TADA2B: variants seen among roughly 807,000 people sequenced by gnomAD.
TADA2B encodes the protein transcriptional adaptor 2B, also known as transcriptional adapter 2-beta.
Under a neutral mutation model 34.5 loss-of-function variants are expected in TADA2B, and 13 were observed. The observed-to-expected ratio is 0.38, with a 90% CI of 0.25 to 0.60. The LOEUF (loss-of-function observed/expected upper bound fraction) is 0.60. Among genes scored for constraint, TADA2B ranks in the 20% least tolerant of loss-of-function variants. The pLI, the probability that TADA2B is intolerant of heterozygous loss-of-function variation, is 0.65. For synonymous variants in TADA2B, 240 were observed against 243.4 expected, an observed-to-expected ratio of 0.99 and a Z score of 0.13; for missense variants, 442 against 575.0, an observed-to-expected ratio of 0.77 and a Z score of 2.37.
intron 1 of TADA2B, chr4:7,053,456 G>T (rs1169069258): frequency 3.3e-5 from 5 of 152,390 alleles, no homozygotes; most frequent in Non-Finnish European, 7.3e-5. Context: ...CCCCCCCGGC[G>T]CATGAAGGCC....
At position 7,055,215 on chromosome 4, in the gene TADA2B, A is replaced by G; in HGVS notation, c.*161A>G. 2 of 740,006 alleles carry G rather than the reference A, an allele frequency of 2.7e-6. No homozygotes were observed. The highest frequency in any genetic ancestry group is 4.3e-6 in the Non-Finnish European group (2 of 461,162). The allele number at this position is 740,006 out of a possible 1,614,324, so 45.8% of individuals were successfully genotyped here. A position where few individuals can be genotyped will look rare whatever the true frequency, so the allele number is the denominator to read the frequency against. On this transcript the variant is annotated 3_prime_UTR_variant, in exon 2 of 2. Transcript: ENST00000310074. ...TTCATGGTCCTCTGAAAGAAGCAAT[A>G]GTAACAATCTTATATTGGATCATGG... is the stretch of plus-strand genomic sequence containing the variant.
intron 1 of TADA2B, among the ~76,000 whole-genome samples, chr4:7,051,881 G>GC (rs1324754167): frequency 6.6e-6 from 1 of 152,244 alleles, no homozygotes; most frequent in Non-Finnish European, 1.5e-5. Flanking sequence ...ACAGGCGTGA[G>GC]CCACCGTGCC....
At chr4:7,043,893 A>G (rs1723549859) in intron 1 of TADA2B, 44 bp downstream of exon 1, 2 of 1,444,822 alleles carry the variant, frequency 1.4e-6, no homozygotes, top group African/African-American at 2.9e-5. Flanking sequence ...GGGCACTGGA[A>G]GGCCCGCGCC....
chr4:7,046,473 C>T (rs754355795), intron 1 of TADA2B, among the ~76,000 whole-genome samples: 8 of 152,206 alleles, frequency 5.3e-5, no homozygotes, highest in South Asian at 4.1e-4. Context: ...AGAAACTAAG[C>T]GCCTTGTCAG....
chr4:7,051,276 G>A (rs964933851), intron 1 of TADA2B, among the ~76,000 whole-genome samples: 5 of 152,142 alleles, frequency 3.3e-5, no homozygotes, highest in African/African-American at 1.2e-4. Flanking sequence ...GAAAGCTGCC[G>A]TGACCGAGCA....
rs751274623 is a variant in TADA2B, at chr4:7,054,884, A to T, written c.1093A>T (p.Ser365Cys). The change falls in exon 2 of 2, where the codon AGT becomes TGT. Residue 365 changes from serine to cysteine, a missense_variant. Physicochemically the swap from Ser to Cys is moderately radical, Grantham distance 112. Around this residue, in one of 4 missense-constraint regions of TADA2B, gnomAD observed 114 missense variants for 144.7 expected, o/e 0.79. Transcript: ENST00000310074. Reference sequence around the variant, plus strand: ...GGTGCTCTGCAGCTCTTTAAACTTGAGTCCAGCCCGCTACGTGACTGTGAA... The same window carrying T: ...GGTGCTCTGCAGCTCTTTAAACTTGTGTCCAGCCCGCTACGTGACTGTGAA... ...EKVLCSSLNLSPARYVTVKTI... is the reference protein window; with the variant it reads ...EKVLCSSLNLCPARYVTVKTI... 5.0e-5 allele frequency: 80 copies of T among 1,613,844 alleles called. No homozygotes were observed. The highest frequency in any genetic ancestry group is 6.1e-5 in the Non-Finnish European group (72 of 1,179,908).
At chr4:7,049,882 C>T (rs796458227) in intron 1 of TADA2B, among the ~76,000 whole-genome samples, 9 of 152,364 alleles carry the variant, frequency 5.9e-5, no homozygotes, top group Admixed American at 3.9e-4. Flanking sequence ...TCTGTCCTGC[C>T]GCTAGCTGCA....
Position 7,057,033 on chromosome 4 carries a change from G to C in TADA2B, c.*1979G>C, listed in dbSNP as rs763440483. 2.0e-5 allele frequency: 3 copies of C among 152,306 alleles called. No individual in the cohort carries two copies. Among genetic ancestry groups the C allele is most frequent in the Admixed American group, 2.0e-4 (3 of 15,302 alleles). 9.4% of individuals were successfully genotyped at this position (152,306 alleles called of 1,614,324 possible). A position where few individuals can be genotyped will look rare whatever the true frequency, so the allele number is the denominator to read the frequency against. On this transcript the variant is annotated 3_prime_UTR_variant, in exon 2 of 2. Transcript: ENST00000310074. ...GATGTAAGCTTGCTTGAGAACTATGGGTTTTAGCTATTCTGGTGTCTCCCT... is the reference window on the plus strand; with the variant it reads ...GATGTAAGCTTGCTTGAGAACTATGCGTTTTAGCTATTCTGGTGTCTCCCT...
rs765704781 is a variant in TADA2B, at chr4:7,054,249, C to T, written c.458C>T (p.Pro153Leu). The part of the protein sequence containing the change: ...LSPSLTTPLP[P>L]LDISVAEQQQ... Reference sequence around the variant, plus strand: ...CCCAGCCTCACCACCCCGCTGCCCCCGCTGGACATCTCTGTGGCTGAGCAG... The same window carrying T: ...CCCAGCCTCACCACCCCGCTGCCCCTGCTGGACATCTCTGTGGCTGAGCAG... The change falls in exon 2 of 2, where the codon CCG becomes CTG. Residue 153 changes from proline to leucine, a missense_variant. Physicochemically the swap from Pro to Leu is moderately conservative, Grantham distance 98. Transcript: ENST00000310074. The T allele has an allele frequency of 1.8e-5, 29 of 1,610,832 alleles. No individual in the cohort carries two copies. Among genetic ancestry groups the T allele is most frequent in the East Asian group, 2.2e-5 (1 of 44,676 alleles).
intron 1 of TADA2B, 31 bp from the exon 2 acceptor site, chr4:7,054,031 T>G: frequency 6.6e-7 from 1 of 1,524,984 alleles, no homozygotes; most frequent in Non-Finnish European, 8.8e-7. Context: ...ACCCTGATGG[T>G]GGAACTAACT....
At chr4:7,053,021 A>G (rs183916057) in intron 1 of TADA2B, 3 of 152,396 alleles carry the variant, frequency 2.0e-5, no homozygotes, top group African/African-American at 7.2e-5. Flanking sequence ...GCTCATAGTC[A>G]TCAGCCTGGA....
chr4:7,054,603 T>C lies in TADA2B; in HGVS notation c.812T>C (p.Phe271Ser), dbSNP rs2108786909. The C allele has an allele frequency of 6.2e-7, 1 of 1,613,648 alleles. No individual in the cohort carries two copies. The highest frequency in any genetic ancestry group is 8.5e-7 in the Non-Finnish European group (1 of 1,179,838). Reference sequence around the variant, plus strand: ...TACCAGTTCATGTCATGCAAGGAGTTTGATGACCTTTTTGAAAACATGCAC... The same window carrying C: ...TACCAGTTCATGTCATGCAAGGAGTCTGATGACCTTTTTGAAAACATGCAC... Reference protein sequence around the residue: ...PLYQFMSCKEFDDLFENMHKE... With the variant: ...PLYQFMSCKESDDLFENMHKE... The change falls in exon 2 of 2, where the codon TTT (phenylalanine) becomes TCT (serine). Residue 271 changes from phenylalanine (F) to serine (S), a missense_variant. Coordinates refer to ENST00000310074, the MANE Select transcript of TADA2B (RefSeq NM_152293.3).
intron 1 of TADA2B, among the ~76,000 whole-genome samples, chr4:7,048,429 G>T (rs567611652): frequency 6.6e-6 from 1 of 152,242 alleles, no homozygotes; most frequent in Non-Finnish European, 1.5e-5. Context: ...GTCAGGGGTG[G>T]GGCTTAGAAT....
In TADA2B at chr4:7,057,527, G is replaced by C. The variant is rs1308476137; in HGVS notation, c.*2473G>C. On this transcript the variant is annotated 3_prime_UTR_variant, in exon 2 of 2. Coordinates refer to ENST00000310074, the MANE Select transcript of TADA2B (RefSeq NM_152293.3). ...ATCTAGTCCGGGCGCAGTGGCTCACGCCTGTAATCCCAGCACTTTGGGAGG... is the reference window on the plus strand; with the variant it reads ...ATCTAGTCCGGGCGCAGTGGCTCACCCCTGTAATCCCAGCACTTTGGGAGG... 1 of 152,306 alleles carries C rather than the reference G, an allele frequency of 6.6e-6. No individual in the cohort carries two copies. Among genetic ancestry groups the C allele is most frequent in the Admixed American group, 6.5e-5 (1 of 15,298 alleles). 9.4% of individuals were successfully genotyped at this position (152,306 alleles called of 1,614,324 possible).
At chr4:7,053,953 T>C in intron 1 of TADA2B, 109 bp from the exon 2 acceptor site, 3 of 1,286,630 alleles carry the variant, frequency 2.3e-6, no homozygotes, top group Non-Finnish European at 3.2e-6. Flanking sequence ...GTAACGGTGC[T>C]GTAGGAAGTA....
intron 1 of TADA2B, among the ~76,000 whole-genome samples, chr4:7,050,051 G>A (rs894771660): frequency 3.3e-5 from 5 of 152,258 alleles, no homozygotes; most frequent in African/African-American, 1.2e-4. Context: ...GGTGGCCTGG[G>A]TGGCAGGTGG....
chr4:7,046,219 A>G (rs1723625424), intron 1 of TADA2B: 1 of 152,092 alleles, frequency 6.6e-6, no homozygotes, highest in African/African-American at 2.4e-5. Flanking sequence ...CCCTGGCAGA[A>G]CCTCGTTGCG....
Position 7,054,566 on chromosome 4 carries a change from C to T in TADA2B, c.775C>T (p.Leu259=). The part of the protein sequence containing the change: ...TKEEKELRLK[L]RPLYQFMSCK... ...GGAGGAGAAGGAGCTGCGCCTGAAG[C>T]TGAGGCCGCTGTACCAGTTCATGTC... Residue 259 remains leucine (L), a synonymous_variant, in exon 2 of 2, where the codon CTG becomes TTG. Transcript: ENST00000310074. The T allele has an allele frequency of 1.2e-6, 2 of 1,613,924 alleles. No individual in the cohort carries two copies. Among genetic ancestry groups the T allele is most frequent in the Non-Finnish European group, 1.7e-6 (2 of 1,179,906 alleles).
intron 1 of TADA2B, among the ~76,000 whole-genome samples, chr4:7,052,576 T>C (rs535624977): frequency 1.3e-5 from 2 of 152,336 alleles, no homozygotes; most frequent in East Asian, 3.9e-4. Flanking sequence ...TGTGTGGGGC[T>C]GCACGTGTCT....
Sources: gnomAD v4.1 joint callset for allele counts (sites outside exome capture counted in the v4.1 genomes callset) on GRCh38, gnomAD v4.1.1 for gene constraint, gnomAD v4.1.1 regional missense constraint, MANE v1.5 for transcripts, NCBI Gene and HGNC (gene_info 2026-07-23, HGNC 2026-07-21) for gene names.